GSK3B: variants seen among roughly 807,000 people sequenced by gnomAD.
The protein encoded by GSK3B is glycogen synthase kinase 3 beta.
Under a neutral mutation model 56.4 loss-of-function variants are expected in GSK3B, and 15 were observed. That is an observed-to-expected ratio of 0.27 (90% confidence interval 0.18 to 0.41). GSK3B has a LOEUF of 0.41. GSK3B is among the 10% of genes least tolerant of loss of function. The pLI is 1.00. For synonymous variants in GSK3B, 181 were observed against 188.9 expected (o/e 0.96, Z 0.34); for missense variants, 300 against 513.4 (o/e 0.58, Z 4.02).
chr3:120,071,351 T>C (rs766639555), intron 1 of GSK3B, among the ~76,000 whole-genome samples: 50 of 152,236 alleles, frequency 3.3e-4, no homozygotes, highest in Admixed American at 1.6e-3. Context: ...GTATCCTATA[T>C]ATTAAACGCT....
rs2055457063 is a variant in GSK3B at position 119,823,981 on chromosome 3, A to G, written c.*2807T>C. 5.0e-6 allele frequency: 1 copy of G among 198,930 alleles called. No homozygotes were observed. The highest frequency in any genetic ancestry group is 2.3e-5 in the African/African-American group (1 of 43,406). 12.3% of individuals were successfully genotyped at this position (198,930 alleles called of 1,614,324 possible). ...CTATATAGATACACTATACATTGCTAGAGTTATTGTTACAATAATACAGGC... is the reference window on the plus strand; with the variant it reads ...CTATATAGATACACTATACATTGCTGGAGTTATTGTTACAATAATACAGGC... On this transcript the variant is annotated 3_prime_UTR_variant, in exon 11 of 11. Coordinates refer to ENST00000264235, the MANE Select transcript of GSK3B (RefSeq NM_001146156.2).
intron 7 of GSK3B, among the ~76,000 whole-genome samples, chr3:119,884,437 G>C (rs907343654): frequency 4.6e-5 from 7 of 152,138 alleles, no homozygotes; most frequent in Non-Finnish European, 1.0e-4. Context: ...TAAGCACATA[G>C]CATGTAAGAG....
At chr3:120,000,821 C>CAAAA (rs57916840) in intron 2 of GSK3B, among the ~76,000 whole-genome samples, 9 of 67,270 alleles carry the variant, frequency 1.3e-4, no homozygotes, top group South Asian at 4.1e-4. Context: ...GGGAAGATAG[C>CAAAA]AAAAAAAAAA....
intron 8 of GSK3B, among the ~76,000 whole-genome samples, chr3:119,869,702 C>T (rs182635252): frequency 5.3e-5 from 8 of 152,230 alleles, no homozygotes; most frequent in East Asian, 3.9e-4. Flanking sequence ...TTTAGTGAAA[C>T]GTATAATAAA....
intron 1 of GSK3B, among the ~76,000 whole-genome samples, chr3:120,042,702 T>C (rs1409595361): frequency 6.6e-6 from 1 of 152,136 alleles, no homozygotes; most frequent in Non-Finnish European, 1.5e-5. Flanking sequence ...ATGGAACCCA[T>C]TTCACAGCTC....
chr3:119,930,125 G>A (rs377492414), intron 3 of GSK3B, among the ~76,000 whole-genome samples: 4 of 114,018 alleles, frequency 3.5e-5, no homozygotes, highest in Middle Eastern at 4.2e-3. Flanking sequence ...ACACACACAC[G>A]TGCGCATGCA....
Position 119,871,459 on chromosome 3 carries a change from T to A in GSK3B, c.909+4954A>T, listed in dbSNP as rs1429487405. 2.0e-5 allele frequency among the ~76,000 whole-genome samples: 3 copies of A among 152,198 alleles called. No individual in the cohort carries two copies. The East Asian group carries it at 5.8e-4, about 29-fold the overall frequency. On this transcript the variant is annotated intron_variant, in intron 8 of 10. Coordinates refer to ENST00000264235, the MANE Select transcript of GSK3B (RefSeq NM_001146156.2). ...TTGGCAACAAATATTTTGAAGTAAT[T>A]GGCATTCATATTAATACTATTATTA...
At chr3:119,954,617 C>T (rs1356277632) in intron 2 of GSK3B, among the ~76,000 whole-genome samples, 9 of 151,994 alleles carry the variant, frequency 5.9e-5, no homozygotes, top group Non-Finnish European at 1.3e-4. Context: ...AAAATGACTA[C>T]CCAAGATGGA....
intron 9 of GSK3B, among the ~76,000 whole-genome samples, chr3:119,856,378 G>C (rs1244050780): frequency 6.6e-6 from 1 of 152,114 alleles, no homozygotes; most frequent in Non-Finnish European, 1.5e-5. Context: ...ACTACACACA[G>C]AACTTTCATT....
At chr3:120,007,285 A>G (rs779750419) in intron 1 of GSK3B, among the ~76,000 whole-genome samples, 1 of 152,198 alleles carries the variant, frequency 6.6e-6, no homozygotes, top group Non-Finnish European at 1.5e-5. Context: ...ACCAACCAAA[A>G]AAAGTCCAGG....
At chr3:119,847,467 C>T (rs1428073227) in intron 9 of GSK3B, among the ~76,000 whole-genome samples, 3 of 151,828 alleles carry the variant, frequency 2.0e-5, no homozygotes, top group Admixed American at 1.3e-4. Flanking sequence ...GCGACAAGAG[C>T]GAAACTCCGT....
chr3:119,953,392 G>A (rs1005958954), intron 2 of GSK3B, among the ~76,000 whole-genome samples: 1 of 152,034 alleles, frequency 6.6e-6, no homozygotes, highest in African/African-American at 2.4e-5. Context: ...CAATCAAAAG[G>A]CTATATAAAA....
At chr3:120,044,326 A>G (rs2058086198) in intron 1 of GSK3B, among the ~76,000 whole-genome samples, 1 of 152,162 alleles carries the variant, frequency 6.6e-6, no homozygotes, top group African/African-American at 2.4e-5. Flanking sequence ...AGGCCCTTCC[A>G]AGAGCTTACC....
At chr3:120,043,657 A>C (rs1393293147) in intron 1 of GSK3B, among the ~76,000 whole-genome samples, 1 of 152,068 alleles carries the variant, frequency 6.6e-6, no homozygotes, top group Non-Finnish European at 1.5e-5. Flanking sequence ...CCAACCTAAA[A>C]TCTTACCTCC....
At chr3:119,860,067 C>T (rs2056080546) in intron 9 of GSK3B, among the ~76,000 whole-genome samples, 1 of 152,154 alleles carries the variant, frequency 6.6e-6, no homozygotes, top group Admixed American at 6.5e-5. Context: ...TAAATAACTT[C>T]AATTGGTAAA....
Position 119,982,175 on chromosome 3 carries a change from A to C in GSK3B, c.282+19871T>G, listed in dbSNP as rs138808453. 3.8e-3 allele frequency among the ~76,000 whole-genome samples: 582 copies of C among 152,118 alleles called. 6 individuals are homozygous for C. Among genetic ancestry groups the C allele is most frequent in the African/African-American group, 0.013 (547 of 41,468 alleles). On this transcript the variant is annotated intron_variant, in intron 2 of 10. Coordinates refer to ENST00000264235, the MANE Select transcript of GSK3B (RefSeq NM_001146156.2). Reference sequence around the variant, plus strand: ...AGAAAGGAATAGCATCAACATCAACAAAAAGGACATCTACACCAAAACCCC... The same window carrying C: ...AGAAAGGAATAGCATCAACATCAACCAAAAGGACATCTACACCAAAACCCC...
At chr3:119,909,778 G>A (rs911309477) in intron 6 of GSK3B, among the ~76,000 whole-genome samples, 6 of 151,992 alleles carry the variant, frequency 3.9e-5, no homozygotes, top group Admixed American at 3.3e-4. Flanking sequence ...AACATCTGGG[G>A]TGAAGACTTG....
chr3:119,959,456 T>C (rs1166468874), intron 2 of GSK3B, among the ~76,000 whole-genome samples: 1 of 151,156 alleles, frequency 6.6e-6, no homozygotes. Context: ...TCCACTCCTC[T>C]AGTTGCCCAG....
At position 119,887,196 on chromosome 3, in the gene GSK3B, A is replaced by C. The variant is rs78171892; in HGVS notation, c.814-10688T>G. Among the ~76,000 whole-genome samples, 4 of 152,116 alleles carry C rather than the reference A, an allele frequency of 2.6e-5. No homozygotes were observed. The East Asian group carries it at 7.7e-4, about 29-fold the overall frequency. ...ATGCAAAGGCTTGCATGGTATTATT[A>C]TTTTTTTAAAAGGCCATTATAGACT... is the stretch of plus-strand genomic sequence containing the variant. On this transcript the variant is annotated intron_variant, in intron 7 of 10. Coordinates refer to ENST00000264235, the MANE Select transcript of GSK3B (RefSeq NM_001146156.2).
Sources: gnomAD v4.1 joint callset for allele counts (sites outside exome capture counted in the v4.1 genomes callset) on GRCh38, gnomAD v4.1.1 for gene constraint, MANE v1.5 for transcripts, NCBI Gene and HGNC (gene_info 2026-07-23, HGNC 2026-07-21) for gene names.